PRPSAP2: variants seen among roughly 807,000 people sequenced by gnomAD.
PRPSAP2 encodes the protein phosphoribosyl pyrophosphate synthetase associated protein 2, also known as phosphoribosyl pyrophosphate synthase-associated protein 2.
In PRPSAP2, 24 loss-of-function variants were observed where a neutral mutation model predicts 40.6. The observed-to-expected ratio is 0.59, with a 90% CI of 0.43 to 0.83. The LOEUF is 0.83. Among genes scored for constraint, PRPSAP2 ranks in the 40% least tolerant of loss-of-function variants. PRPSAP2 has a pLI of 0.00. For synonymous variants in PRPSAP2, 149 were observed against 164.7 expected, an observed-to-expected ratio of 0.90 and a Z score of 0.73; for missense variants, 292 against 465.6, an observed-to-expected ratio of 0.63 and a Z score of 3.43.
chr17:18,905,665 C>T (rs1391369462), intron 8 of PRPSAP2, among the ~76,000 whole-genome samples: 3 of 152,038 alleles, frequency 2.0e-5, no homozygotes, highest in Admixed American at 6.6e-5. Context: ...CCGCAATCTC[C>T]GCCTCCCGGG....
In PRPSAP2 at chr17:18,928,690, G is replaced by A. The variant is rs760490026; in HGVS notation, c.805-121G>A. 5.9e-6 allele frequency: 8 copies of A among 1,353,282 alleles called. No individual in the cohort carries two copies. In the Admixed American group the frequency reaches 1.5e-4, roughly 25 times the overall value. 83.8% of individuals were successfully genotyped at this position (1,353,282 alleles called of 1,614,324 possible). On this transcript the variant is annotated intron_variant, in intron 10 of 11. Coordinates refer to ENST00000268835, the MANE Select transcript of PRPSAP2 (RefSeq NM_002767.4). ...ACATGGGGCCATGCCGTCTGCACAA[G>A]GCCAAGTGGAAGAGCAGATTTTTCA...
At chr17:18,914,499 A>G (rs1232068789) in intron 9 of PRPSAP2, among the ~76,000 whole-genome samples, 4 of 150,720 alleles carry the variant, frequency 2.7e-5, no homozygotes, top group Admixed American at 6.6e-5. Context: ...GGCTCAAGCA[A>G]TCCTCCCTCC....
intron 8 of PRPSAP2, among the ~76,000 whole-genome samples, chr17:18,891,494 T>G (rs2039542298): frequency 6.6e-6 from 1 of 152,238 alleles, no homozygotes; most frequent in Non-Finnish European, 1.5e-5. Context: ...TGTAAACATT[T>G]CAAATAGCTT....
In PRPSAP2 at chr17:18,868,449, T is replaced by TG. The variant is rs372766430; in HGVS notation, c.172+1122dup. 3.5e-3 allele frequency among the ~76,000 whole-genome samples: 514 copies of TG among 145,918 alleles called. 1 individual carries two copies. The highest frequency in any genetic ancestry group is 0.012 in the African/African-American group (471 of 39,242). ...AAGATTGTGCCATTGCACTCCAGCC[T>TG]GGGGGGGAACAAGAGCGAGACTTTG... On this transcript the variant is annotated intron_variant, in intron 4 of 11. Coordinates refer to ENST00000268835, the MANE Select transcript of PRPSAP2 (RefSeq NM_002767.4).
chr17:18,893,178 G>A (rs1299703638), intron 8 of PRPSAP2, among the ~76,000 whole-genome samples: 1 of 139,638 alleles, frequency 7.2e-6, no homozygotes, highest in Admixed American at 7.4e-5. Context: ...TTTTTGAGAC[G>A]GAGTCTCAGT....
intron 6 of PRPSAP2, among the ~76,000 whole-genome samples, chr17:18,881,015 G>A (rs557740096): frequency 1.3e-5 from 2 of 151,496 alleles, no homozygotes; most frequent in East Asian, 3.9e-4. Flanking sequence ...TGTATTTTTA[G>A]TAGAGACGGG....
At chr17:18,926,930 C>G (rs1186178295) in intron 10 of PRPSAP2, among the ~76,000 whole-genome samples, 1 of 152,138 alleles carries the variant, frequency 6.6e-6, no homozygotes, top group Non-Finnish European at 1.5e-5. Flanking sequence ...TGACATCCTT[C>G]CCACCCAATC....
At chr17:18,901,376 T>C (rs969278399) in intron 8 of PRPSAP2, among the ~76,000 whole-genome samples, 1 of 152,026 alleles carries the variant, frequency 6.6e-6, no homozygotes, top group Non-Finnish European at 1.5e-5. Context: ...CTCTACCTTT[T>C]AGTGTCTTCT....
At position 18,909,776 on chromosome 17, in the gene PRPSAP2, G is replaced by T. The variant is rs140719840; in HGVS notation, c.585-1327G>T. Among the ~76,000 whole-genome samples, 243 of 152,004 alleles carry T rather than the reference G, an allele frequency of 1.6e-3. 2 individuals are homozygous for T. Among genetic ancestry groups the T allele is most frequent in the African/African-American group, 5.6e-3 (232 of 41,504 alleles). ...AAAAATTAGCCAGGCGTGGTGGCAC[G>T]TGCCTATAATCCCAGCTACTTGGGA... On this transcript the variant is annotated intron_variant, in intron 8 of 11. Transcript: ENST00000268835.
intron 10 of PRPSAP2, among the ~76,000 whole-genome samples, chr17:18,926,588 AC>A (rs1217409511): frequency 7.2e-5 from 11 of 152,274 alleles, no homozygotes; most frequent in East Asian, 5.8e-4. Context: ...TTTTAAAAAA[AC>A]GTTTTTATTT....
chr17:18,912,137 G>A (rs1260369739), intron 9 of PRPSAP2, among the ~76,000 whole-genome samples: 7 of 151,804 alleles, frequency 4.6e-5, no homozygotes, highest in Non-Finnish European at 8.8e-5. Context: ...AGCCGAGATC[G>A]CGCCATTGCA....
At chr17:18,899,519 G>GT (rs574203117) in intron 8 of PRPSAP2, among the ~76,000 whole-genome samples, 2,416 of 60,580 alleles carry the variant, frequency 0.04, 510 homozygotes, top group African/African-American at 0.093. Flanking sequence ...ATCCAACTGA[G>GT]TTTTTTTTTT....
chr17:18,879,288 T>G (rs1039512544), intron 6 of PRPSAP2, among the ~76,000 whole-genome samples: 11 of 147,806 alleles, frequency 7.4e-5, no homozygotes, highest in Admixed American at 1.3e-4. Context: ...AAACCTTTTT[T>G]TTTGTTTGTT....
At chr17:18,890,335 A>G (rs1485319655) in intron 8 of PRPSAP2, among the ~76,000 whole-genome samples, 4 of 150,716 alleles carry the variant, frequency 2.7e-5, no homozygotes, top group African/African-American at 4.9e-5. Flanking sequence ...ATGCCTGGCT[A>G]ATTTTTGTAT....
chr17:18,867,384 A>G (rs757957440), intron 4 of PRPSAP2, 50 bp downstream of exon 4: 13 of 1,573,280 alleles, frequency 8.3e-6, no homozygotes, highest in Non-Finnish European at 1.0e-5. Flanking sequence ...GAAATGTGGC[A>G]TATTGGCTCC....
intron 7 of PRPSAP2, among the ~76,000 whole-genome samples, chr17:18,886,844 T>A (rs955050879): frequency 1.3e-5 from 2 of 152,100 alleles, no homozygotes. Flanking sequence ...TTTCCAGTGA[T>A]GAATATTTGA....
At chr17:18,917,063 T>C (rs553366964) in intron 9 of PRPSAP2, among the ~76,000 whole-genome samples, 2 of 152,268 alleles carry the variant, frequency 1.3e-5, no homozygotes, top group Admixed American at 6.5e-5. Context: ...GGTAGAGTTA[T>C]GCATGAATTT....
chr17:18,879,725 A>AT, intron 6 of PRPSAP2, among the ~76,000 whole-genome samples: 1 of 149,532 alleles, frequency 6.7e-6, no homozygotes, highest in East Asian at 2.1e-4. Context: ...AAGTGTTGGG[A>AT]TTACAGGCGT....
intron 6 of PRPSAP2, 100 bp downstream of exon 6, chr17:18,877,970 G>A: frequency 7.8e-7 from 1 of 1,288,856 alleles, no homozygotes; most frequent in Non-Finnish European, 1.1e-6. Flanking sequence ...CACCTAGGCT[G>A]GAGTGTAGTG....
Sources: allele counts gnomAD v4.1 joint callset (sites outside exome capture counted in the v4.1 genomes callset), GRCh38; gene constraint gnomAD v4.1.1; transcripts MANE v1.5; gene names NCBI Gene and HGNC (gene_info 2026-07-23, HGNC 2026-07-21).